PALB2: variants seen among roughly 807,000 people sequenced by gnomAD.
PALB2 encodes the protein mutant partner and localizer of BRCA2.
A neutral mutation model predicts 107.4 loss-of-function variants in PALB2; 82 were observed. The ratio of observed to expected loss-of-function variants is 0.76; its 90% CI spans 0.64 to 0.92. PALB2 has a LOEUF of 0.92. Among genes scored for constraint, PALB2 ranks in the 40% least tolerant of loss-of-function variants. PALB2 has a pLI of 0.00. For synonymous variants in PALB2, 489 were observed against 496.8 expected (o/e 0.98, Z 0.21); for missense variants, 1,374 against 1,379.9 (o/e 1.00, Z 0.07).
chr16:23,605,509 A>G (rs975680024), intron 12 of PALB2, among the ~76,000 whole-genome samples: 81 of 152,118 alleles, frequency 5.3e-4, no homozygotes, highest in Non-Finnish European at 8.4e-4. Context: ...CCCAGTTTCA[A>G]GTGACTCTCC....
At position 23,621,464 on chromosome 16, in the gene PALB2, T is replaced by G. The variant is rs1555459415; in HGVS notation, c.3011A>C (p.Gln1004Pro). 2 of 1,612,966 alleles carry G rather than the reference T, an allele frequency of 1.2e-6. No individual in the cohort carries two copies. The highest frequency in any genetic ancestry group is 1.7e-6 in the Non-Finnish European group (2 of 1,178,998). Residue 1004 changes from glutamine to proline, a missense_variant, in exon 10 of 13, where the codon CAA becomes CCA. Gln to Pro is a moderately conservative substitution (Grantham distance 76). Transcript: ENST00000261584. ...AGTCTCCTCAGGGGGCATCAAAAAT[T>G]GGTTTTCTTTGCCTCTGTAATTAAA... is the stretch of plus-strand genomic sequence containing the variant. ...FAEDGGGKENQFLMPPEETIL... is the reference protein window; with the variant it reads ...FAEDGGGKENPFLMPPEETIL...
chr16:23,612,381 G>A (rs1966602970), intron 11 of PALB2, among the ~76,000 whole-genome samples: 1 of 151,892 alleles, frequency 6.6e-6, no homozygotes, highest in Non-Finnish European at 1.5e-5. Flanking sequence ...ATGACATCTG[G>A]CTAATTTTTG....
intron 10 of PALB2, 22 bp from the exon 11 acceptor site, chr16:23,614,113 A>G (rs1381412671): frequency 6.7e-7 from 1 of 1,498,952 alleles, no homozygotes; most frequent in East Asian, 2.3e-5. Flanking sequence ...AAAATAAATA[A>G]GCTGATCACA....
At chr16:23,633,345 C>T (rs371471328) in intron 4 of PALB2, among the ~76,000 whole-genome samples, 1 of 152,094 alleles carries the variant, frequency 6.6e-6, no homozygotes, top group Admixed American at 6.6e-5. Context: ...TATAAAGGTG[C>T]GTTGGAACAC....
chr16:23,607,562 C>G (rs767651797), intron 12 of PALB2, among the ~76,000 whole-genome samples: 7 of 151,950 alleles, frequency 4.6e-5, no homozygotes, highest in Non-Finnish European at 1.0e-4. Context: ...TCCCAAAGTG[C>G]TGGGATTACA....
intron 1 of PALB2, among the ~76,000 whole-genome samples, chr16:23,639,161 T>A (rs562970552): frequency 1.3e-5 from 2 of 152,268 alleles, no homozygotes; most frequent in Non-Finnish European, 2.9e-5. Flanking sequence ...TTTTAGCAAC[T>A]TTTTAGCTGT....
At chr16:23,617,981 A>T (rs967543420) in intron 10 of PALB2, 1 of 151,884 alleles carries the variant, frequency 6.6e-6, no homozygotes, top group African/African-American at 2.4e-5. Context: ...AAATAGCAAG[A>T]CCCTGCCTCT....
At position 23,609,610 on chromosome 16, in the gene PALB2, T is replaced by C. The variant is rs530603174; in HGVS notation, c.3202-1598A>G. ...TCTGCTCACTGCAAGCTCTGCCTCC[T>C]GGGTTCACGCCATTCTCCTGCCTCA... On this transcript the variant is annotated intron_variant, in intron 11 of 12. Transcript: ENST00000261584. 3.9e-5 allele frequency among the ~76,000 whole-genome samples: 6 copies of C among 152,132 alleles called. No homozygotes were observed. The East Asian group carries it at 9.7e-4, about 25-fold the overall frequency.
chr16:23,628,805 TG>T (rs1216536457), intron 6 of PALB2, among the ~76,000 whole-genome samples: 1 of 152,088 alleles, frequency 6.6e-6, no homozygotes, highest in African/African-American at 2.4e-5. Context: ...GGCTAATTTT[TG>T]TATTTTTAGT....
intron 11 of PALB2, among the ~76,000 whole-genome samples, chr16:23,608,797 T>TACACACAC (rs1310999089): frequency 9.0e-4 from 100 of 111,386 alleles, no homozygotes; most frequent in African/African-American, 3.2e-3. Flanking sequence ...TGTGTGTATA[T>TACACACAC]ATATACACAC....
At chr16:23,633,427 T>A (rs1287976571) in intron 4 of PALB2, among the ~76,000 whole-genome samples, 3 of 152,224 alleles carry the variant, frequency 2.0e-5, no homozygotes, top group African/African-American at 7.2e-5. Context: ...ACACAAAGAC[T>A]AAAATCTGTG....
In PALB2 at chr16:23,635,813, C is replaced by G. The variant is rs886051831; in HGVS notation, c.733G>C (p.Ala245Pro). The change falls in exon 4 of 13, where the codon GCG (alanine) becomes CCG (proline). Residue 245 changes from alanine to proline, a missense_variant. Physicochemically the swap from Ala to Pro is conservative, Grantham distance 27. Coordinates refer to ENST00000261584, the MANE Select transcript of PALB2 (RefSeq NM_024675.4). Reference sequence around the variant, plus strand: ...AGAGTCTGTAAAGGAACTGTAGTCGCCCTGGTGAAATTAGGTCTTCTTAGG... The same window carrying G: ...AGAGTCTGTAAAGGAACTGTAGTCGGCCTGGTGAAATTAGGTCTTCTTAGG... ...TFLRRPNFTR[A>P]TTVPLQTLSD... is the part of the protein sequence containing the mutation. 1 of 1,614,106 alleles carries G rather than the reference C, an allele frequency of 6.2e-7. No homozygotes were observed. Among genetic ancestry groups the G allele is most frequent in the South Asian group, 1.1e-5 (1 of 91,080 alleles).
intron 4 of PALB2, among the ~76,000 whole-genome samples, chr16:23,631,664 T>A (rs1171656779): frequency 1.3e-5 from 2 of 152,204 alleles, no homozygotes; most frequent in Non-Finnish European, 2.9e-5. Flanking sequence ...CAAATCGATT[T>A]ATTTCATTTT....
chr16:23,614,210 C>T (rs1966639542), intron 10 of PALB2, 119 bp from the exon 11 acceptor site: 1 of 716,584 alleles, frequency 1.4e-6, no homozygotes, highest in Non-Finnish European at 2.4e-6. Context: ...ACTAAGAGCT[C>T]CTTAGTTTTC....
At chr16:23,616,071 A>G (rs183839613) in intron 10 of PALB2, among the ~76,000 whole-genome samples, 31 of 152,140 alleles carry the variant, frequency 2.0e-4, no homozygotes, top group African/African-American at 7.2e-4. Context: ...CCTTGACTCT[A>G]GACTTTGCTC....
Position 23,638,106 on chromosome 16 carries a change from C to T in PALB2, c.72G>A (p.Leu24=), listed in dbSNP as rs587781986. The change falls in exon 2 of 13, where the codon TTG becomes TTA. Residue 24 remains leucine (L), a synonymous_variant. Transcript: ENST00000261584. The stretch of plus-strand genomic sequence containing the variant: ...CTAGTGTCTTGCTGTATTCCCTTTT[C>T]AAGAATGCTAATTTCTCCTTTAACT... ...KEKLKEKLAF[L]KREYSKTLAR... is the part of the protein sequence containing the mutation. 4 of 1,614,010 alleles carry T rather than the reference C, an allele frequency of 2.5e-6. No homozygotes were observed. Among genetic ancestry groups the T allele is most frequent in the South Asian group, 2.2e-5 (2 of 91,066 alleles).
Position 23,629,865 on chromosome 16 carries a change from C to G in PALB2, c.2289G>C (p.Leu763Phe), listed in dbSNP as rs373478248. The G allele has an allele frequency of 3.7e-5, 60 of 1,613,996 alleles. No homozygotes were observed. In the East Asian group the frequency reaches 4.9e-4, roughly 13 times the overall value. ...RTCCTPQLAH[L>F]KDSVCLASDT... ...CACTGGCAAGACAGACTGAGTCTTT[C>G]AAATGAGCAAGTTGGGGTGTGCAGC... The change falls in exon 5 of 13, where the codon TTG becomes TTC. Residue 763 changes from leucine (L) to phenylalanine (F), a missense_variant. Transcript: ENST00000261584.
intron 10 of PALB2, among the ~76,000 whole-genome samples, chr16:23,618,027 G>A (rs936553984): frequency 1.3e-5 from 2 of 152,088 alleles, no homozygotes; most frequent in Non-Finnish European, 2.9e-5. Context: ...AGCCAGGCAT[G>A]GTGGTGTACA....
chr16:23,623,982 A>G, intron 8 of PALB2, 27 bp downstream of exon 8: 1 of 1,503,270 alleles, frequency 6.7e-7, no homozygotes, highest in Non-Finnish European at 9.3e-7. Context: ...TGAAGGAAAA[A>G]CAAATCACTC....
Sources: allele counts gnomAD v4.1 joint callset (sites outside exome capture counted in the v4.1 genomes callset), GRCh38; gene constraint gnomAD v4.1.1; transcripts MANE v1.5; gene names NCBI Gene and HGNC (gene_info 2026-07-23, HGNC 2026-07-21).